ST3GAL6: variants seen among roughly 807,000 people sequenced by gnomAD.
ST3GAL6 encodes ST3 beta-galactoside alpha-2,3-sialyltransferase 6.
ST3GAL6 carries 31 observed loss-of-function variants against 40.5 expected under a neutral mutation model. That is an observed-to-expected ratio of 0.77 (90% confidence interval 0.58 to 1.03). ST3GAL6 has a LOEUF of 1.03. Among genes scored for constraint, ST3GAL6 ranks in the 50% least tolerant of loss-of-function variants. ST3GAL6 has a pLI of 0.00. For synonymous variants in ST3GAL6, 129 were observed against 136.9 expected (o/e 0.94, Z 0.40); for missense variants, 357 against 393.2 (o/e 0.91, Z 0.78).
At chr3:98,733,724 T>A in intron 1 of ST3GAL6, 1 of 591,174 alleles carries the variant, frequency 1.7e-6, no homozygotes, top group Non-Finnish European at 2.1e-6. Flanking sequence ...TATTTTGGCT[T>A]AAAAGAAAAC....
chr3:98,793,573 G>A (rs9862660), intron 9 of ST3GAL6, 102 bp from the exon 10 acceptor site: 28,935 of 640,240 alleles, frequency 0.045, 693 homozygotes, highest in African/African-American at 0.071. Flanking sequence ...CTTAACATTC[G>A]AGTTCTTTAT....
At chr3:98,749,048 T>C (rs1559725853) in intron 1 of ST3GAL6, among the ~76,000 whole-genome samples, 2 of 152,204 alleles carry the variant, frequency 1.3e-5, no homozygotes, top group Non-Finnish European at 2.9e-5. Context: ...CTGTAAACTG[T>C]TTTTCTTCTT....
At chr3:98,766,716 C>G (rs1938394967) in intron 1 of ST3GAL6, among the ~76,000 whole-genome samples, 2 of 152,182 alleles carry the variant, frequency 1.3e-5, no homozygotes, top group South Asian at 4.1e-4. Context: ...CCACTGCGCC[C>G]AGCCAAATGA....
intron 5 of ST3GAL6, among the ~76,000 whole-genome samples, chr3:98,775,150 G>A (rs986288480): frequency 6.6e-6 from 1 of 152,158 alleles, no homozygotes; most frequent in African/African-American, 2.4e-5. Context: ...AACCTAGATA[G>A]TTCAACTCCA....
intron 1 of ST3GAL6, among the ~76,000 whole-genome samples, chr3:98,751,401 A>C (rs1310995614): frequency 6.6e-6 from 1 of 152,192 alleles, no homozygotes; most frequent in Non-Finnish European, 1.5e-5. Flanking sequence ...TCTCATGGTG[A>C]AGACTTCTCT....
At chr3:98,751,526 A>G (rs917301686) in intron 1 of ST3GAL6, among the ~76,000 whole-genome samples, 2 of 152,232 alleles carry the variant, frequency 1.3e-5, no homozygotes, top group African/African-American at 2.4e-5. Flanking sequence ...AAGCACTTTC[A>G]GTTTCTTTGA....
At chr3:98,788,276 TAAA>T in intron 7 of ST3GAL6, 47 bp from the exon 8 acceptor site, 1 of 1,587,050 alleles carries the variant, frequency 6.3e-7, no homozygotes, top group Non-Finnish European at 8.6e-7. Flanking sequence ...TTTTTTTCCT[TAAA>T]AAACAGACAG....
chr3:98,767,180 T>A (rs1421180441), intron 1 of ST3GAL6, among the ~76,000 whole-genome samples: 1 of 152,192 alleles, frequency 6.6e-6, no homozygotes, highest in African/African-American at 2.4e-5. Context: ...CTCAACCAGA[T>A]AATCATGCCA....
chr3:98,757,956 T>C lies in ST3GAL6; in HGVS notation c.-11-10474T>C, dbSNP rs201003783. Among the ~76,000 whole-genome samples, 6 of 152,056 alleles carry C rather than the reference T, an allele frequency of 3.9e-5. 1 individual carries two copies. The East Asian group carries it at 1.2e-3, about 29-fold the overall frequency. ...GTTCAAGCAATTCTCCTGCCTCAGC[T>C]TCCCAAGTAGCTTGGGACTACAGGC... On this transcript the variant is annotated intron_variant, in intron 1 of 9. Coordinates refer to the ST3GAL6 transcript ENST00000265261.
chr3:98,783,109 T>C (rs62673860), intron 5 of ST3GAL6: 9 of 176,740 alleles, frequency 5.1e-5, no homozygotes, highest in South Asian at 8.0e-5. Flanking sequence ...TTTTTTTTTT[T>C]CCATCAAATC....
chr3:98,733,887 G>A (rs1488851489), intron 1 of ST3GAL6, among the ~76,000 whole-genome samples: 1 of 152,154 alleles, frequency 6.6e-6, no homozygotes, highest in Non-Finnish European at 1.5e-5. Flanking sequence ...AGTGTGTGGG[G>A]GTAGGGATGA....
At chr3:98,756,621 C>T (rs2107368153) in intron 1 of ST3GAL6, 1 of 1,075,924 alleles carries the variant, frequency 9.3e-7, no homozygotes, top group African/African-American at 1.6e-5. Context: ...TACAATGCTT[C>T]TCTTGTGGGT....
intron 1 of ST3GAL6, among the ~76,000 whole-genome samples, chr3:98,739,742 T>G (rs1434059434): frequency 6.6e-6 from 1 of 152,200 alleles, no homozygotes; most frequent in Non-Finnish European, 1.5e-5. Context: ...GTAGATTTTA[T>G]TTTTTTAATT....
chr3:98,744,130 C>G (rs960098315), intron 1 of ST3GAL6, among the ~76,000 whole-genome samples: 3 of 152,150 alleles, frequency 2.0e-5, no homozygotes, highest in African/African-American at 7.2e-5. Context: ...CCAAGGAATG[C>G]CCAAGATTGG....
Position 98,788,441 on chromosome 3 carries a change from C to CA in ST3GAL6, c.738dup (p.Val247SerfsTer9). ...GCAGCTTATGAACTGCTTCATTTTC[C>CA]AAAAGTGTTTCCCAAAAATCAGGTA... On this transcript the variant is annotated frameshift_variant, in exon 8 of 10. Coordinates refer to ENST00000483910, the MANE Select transcript of ST3GAL6 (RefSeq NM_001323368.2). LOFTEE classifies it high-confidence loss of function. 6.2e-7 allele frequency: 1 copy of CA among 1,608,814 alleles called. No homozygotes were observed. The highest frequency in any genetic ancestry group is 8.5e-7 in the Non-Finnish European group (1 of 1,178,484).
intron 6 of ST3GAL6, among the ~76,000 whole-genome samples, chr3:98,786,736 C>T (rs1940755759): frequency 6.8e-6 from 1 of 148,080 alleles, no homozygotes. Flanking sequence ...CACTATAGTA[C>T]ATTGGTTAAC....
At chr3:98,739,083 A>G (rs112527966) in intron 1 of ST3GAL6, among the ~76,000 whole-genome samples, 3,298 of 152,318 alleles carry the variant, frequency 0.022, 127 homozygotes, top group African/African-American at 0.076. Context: ...AAAATTAAAG[A>G]ACTTGCTCCT....
At chr3:98,782,176 G>T (rs1205664457) in intron 5 of ST3GAL6, 1 of 679,532 alleles carries the variant, frequency 1.5e-6, no homozygotes, top group Non-Finnish European at 2.6e-6. Context: ...GCTTGTAAAA[G>T]CATCTAGAGT....
chr3:98,758,873 T>C (rs1937562959), upstream of ST3GAL6, among the ~76,000 whole-genome samples: 2 of 152,232 alleles, frequency 1.3e-5, no homozygotes, highest in Non-Finnish European at 2.9e-5. Flanking sequence ...ATTTTATATT[T>C]ACTACTTGTA....
Sources: allele counts gnomAD v4.1 joint callset (sites outside exome capture counted in the v4.1 genomes callset), GRCh38; gene constraint gnomAD v4.1.1; transcripts MANE v1.5; gene names NCBI Gene and HGNC (gene_info 2026-07-23, HGNC 2026-07-21).